DLGAP1: variants seen among roughly 807,000 people sequenced by gnomAD.
DLGAP1 encodes the protein DLG associated protein 1.
A neutral mutation model predicts 90.8 loss-of-function variants in DLGAP1; 11 were observed. That is an observed-to-expected ratio of 0.12 (90% CI 0.08 to 0.20). The LOEUF is 0.20. DLGAP1 is among the 10% of genes least tolerant of loss of function. DLGAP1 has a pLI of 1.00. For missense variants in DLGAP1, 1,050 were observed against 1,333.8 expected (o/e 0.79, Z 3.31); for synonymous variants, 558 against 540.7 (o/e 1.03, Z -0.44).
chr18:3,947,576 G>GT (rs2148959058), intron 3 of DLGAP1, among the ~76,000 whole-genome samples: 1 of 152,286 alleles, frequency 6.6e-6, no homozygotes, highest in African/African-American at 2.4e-5. Flanking sequence ...GTATGTTAAA[G>GT]GAAATGCTCA....
chr18:3,750,634 G>A (rs2063459723), intron 5 of DLGAP1, among the ~76,000 whole-genome samples: 1 of 152,142 alleles, frequency 6.6e-6, no homozygotes. Context: ...ATCCTTGAAT[G>A]TATCTCTCTT....
At chr18:3,527,969 A>G (rs1359623284) in intron 10 of DLGAP1, among the ~76,000 whole-genome samples, 1 of 152,226 alleles carries the variant, frequency 6.6e-6, no homozygotes, top group Non-Finnish European at 1.5e-5. Flanking sequence ...ATTCGGAGGC[A>G]TTATGTACAT....
At chr18:3,821,678 A>G (rs1441797968) in intron 4 of DLGAP1, among the ~76,000 whole-genome samples, 1 of 152,198 alleles carries the variant, frequency 6.6e-6, no homozygotes, top group Admixed American at 6.5e-5. Context: ...AAGCATGAAC[A>G]GTTTGGAGGA....
chr18:3,614,853 A>G (rs1432267591), intron 7 of DLGAP1, among the ~76,000 whole-genome samples: 1 of 22,226 alleles, frequency 4.5e-5, no homozygotes, highest in Non-Finnish European at 7.3e-5. Flanking sequence ...CTGTCTCAAG[A>G]AAAAAAAAAA....
chr18:4,060,269 C>G (rs2143272429), intron 2 of DLGAP1, among the ~76,000 whole-genome samples: 1 of 152,294 alleles, frequency 6.6e-6, no homozygotes, highest in Non-Finnish European at 1.5e-5. Context: ...CTACTCTGTG[C>G]TAGTCTCCTC....
At chr18:4,258,529 CA>C (rs1235056384) in intron 1 of DLGAP1, among the ~76,000 whole-genome samples, 5 of 146,084 alleles carry the variant, frequency 3.4e-5, no homozygotes, top group South Asian at 2.1e-4. Flanking sequence ...GTGAAAAATA[CA>C]AAAAAAAAGC....
chr18:4,095,511 T>A (rs944226584), intron 2 of DLGAP1, among the ~76,000 whole-genome samples: 5 of 152,166 alleles, frequency 3.3e-5, no homozygotes, highest in African/African-American at 1.2e-4. Flanking sequence ...AATTCTTTTC[T>A]TGCTAACAGG....
intron 3 of DLGAP1, among the ~76,000 whole-genome samples, chr18:3,881,060 C>T (rs926210289): frequency 1.3e-5 from 2 of 151,316 alleles, no homozygotes; most frequent in Non-Finnish European, 2.9e-5. Flanking sequence ...CCCTCTATGA[C>T]CCCAATAACT....
At chr18:4,064,988 G>A (rs2075351227) in intron 2 of DLGAP1, among the ~76,000 whole-genome samples, 1 of 152,112 alleles carries the variant, frequency 6.6e-6, no homozygotes, top group Non-Finnish European at 1.5e-5. Context: ...CCACAATCAA[G>A]TAGGCTTCAT....
chr18:3,569,137 A>C (rs654088), intron 8 of DLGAP1, among the ~76,000 whole-genome samples: 1 of 151,104 alleles, frequency 6.6e-6, no homozygotes, highest in Non-Finnish European at 1.5e-5. Flanking sequence ...GAGTAGCTGA[A>C]ATTACAGACG....
intron 3 of DLGAP1, among the ~76,000 whole-genome samples, chr18:3,910,323 A>C (rs73940280): frequency 0.027 from 4,158 of 151,982 alleles, 193 homozygotes; most frequent in African/African-American, 0.095. Flanking sequence ...AATACATTTG[A>C]TGGCAATTTC....
At chr18:3,960,257 T>A (rs2073170751) in intron 3 of DLGAP1, among the ~76,000 whole-genome samples, 1 of 152,244 alleles carries the variant, frequency 6.6e-6, no homozygotes, top group Non-Finnish European at 1.5e-5. Context: ...CTTCCCCACC[T>A]TAGGTGCCTT....
At position 3,600,692 on chromosome 18, in the gene DLGAP1, A is replaced by ATATAGAGATC. The variant is rs2056849269; in HGVS notation, c.1592-18445_1592-18444insGATCTCTATA. On this transcript the variant is annotated intron_variant, in intron 7 of 12. Transcript: ENST00000315677. ...GATCTATAGATATCTATAGAGATCT[A>ATATAGAGATC]TATAGATATCTATAGCTATATAGAT... Among the ~76,000 whole-genome samples the ATATAGAGATC allele has an allele frequency of 6.6e-5, 9 of 136,688 alleles. 2 individuals are homozygous for ATATAGAGATC. Among genetic ancestry groups the ATATAGAGATC allele is most frequent in the Admixed American group, 2.3e-4 (3 of 13,158 alleles). The allele number at this position is 136,688 out of a possible 152,430, so 89.7% of individuals were successfully genotyped here.
At chr18:3,772,410 CTT>C (rs1157720540) in intron 5 of DLGAP1, among the ~76,000 whole-genome samples, 2 of 82,340 alleles carry the variant, frequency 2.4e-5, no homozygotes, top group African/African-American at 9.2e-5. Flanking sequence ...CTTTCTTTCT[CTT>C]TCTTTCTTTC....
At chr18:3,610,039 CAA>C (rs2057528861) in intron 7 of DLGAP1, among the ~76,000 whole-genome samples, 2 of 151,076 alleles carry the variant, frequency 1.3e-5, no homozygotes, top group African/African-American at 2.4e-5. Context: ...GCCTGGGCAA[CAA>C]GAGCAAAACT....
At chr18:3,552,425 G>A (rs1468481016) in intron 9 of DLGAP1, among the ~76,000 whole-genome samples, 1 of 152,082 alleles carries the variant, frequency 6.6e-6, no homozygotes, top group African/African-American at 2.4e-5. Flanking sequence ...GGGTGATCTG[G>A]CTGGGCTTTC....
chr18:4,343,665 G>T (rs1416174453), intron 1 of DLGAP1, among the ~76,000 whole-genome samples: 2 of 152,052 alleles, frequency 1.3e-5, no homozygotes. Flanking sequence ...CGGGGGCTAG[G>T]GGAGGGATAG....
Position 4,151,254 on chromosome 18 carries a change from T to G in DLGAP1, c.-233A>C, listed in dbSNP as rs1264230569. ...CCAAATTGCAGGCTTTTTTTTAACCTGATGTCACTCTGGGTATCTGATGTT... is the reference window on the plus strand; with the variant it reads ...CCAAATTGCAGGCTTTTTTTTAACCGGATGTCACTCTGGGTATCTGATGTT... On this transcript the variant is annotated 5_prime_UTR_variant, in exon 2 of 13. Transcript: ENST00000315677. 1 of 152,176 alleles carries G rather than the reference T, an allele frequency of 6.6e-6. No individual in the cohort carries two copies. Among genetic ancestry groups the G allele is most frequent in the Non-Finnish European group, 1.5e-5 (1 of 68,040 alleles). The allele number at this position is 152,176 out of a possible 1,614,324, so 9.4% of individuals were successfully genotyped here. A position where few individuals can be genotyped will look rare whatever the true frequency, so the allele number is the denominator to read the frequency against.
At chr18:4,440,863 C>A (rs982658440) in intron 1 of DLGAP1, among the ~76,000 whole-genome samples, 4 of 152,058 alleles carry the variant, frequency 2.6e-5, no homozygotes, top group African/African-American at 9.7e-5. Context: ...AGGTTAAAAC[C>A]AAAAATATAG....
Sources: gnomAD v4.1 joint callset for allele counts (sites outside exome capture counted in the v4.1 genomes callset) on GRCh38, gnomAD v4.1.1 for gene constraint, MANE v1.5 for transcripts, NCBI Gene and HGNC (gene_info 2026-07-23, HGNC 2026-07-21) for gene names.